RMND1: variants seen among roughly 807,000 people sequenced by gnomAD.
RMND1 encodes the protein required for meiotic nuclear division protein 1 homolog.
RMND1 carries 41 observed loss-of-function variants against 54.0 expected under a neutral mutation model. That is an observed-to-expected ratio of 0.76 (90% CI 0.59 to 0.98). RMND1 has a LOEUF of 0.98. Ranked by LOEUF, RMND1 falls within the 50% of genes least tolerant of loss-of-function variation. The pLI, the probability that RMND1 is intolerant of heterozygous loss-of-function variation, is 0.00. For synonymous variants in RMND1, 183 were observed against 181.7 expected (o/e 1.01, Z -0.06); for missense variants, 457 against 532.0 (o/e 0.86, Z 1.39).
chr6:151,417,276 T>C lies in RMND1; in HGVS notation c.1200+3A>G. 1 of 1,605,166 alleles carries C rather than the reference T, an allele frequency of 6.2e-7. No homozygotes were observed. Among genetic ancestry groups the C allele is most frequent in the South Asian group, 1.1e-5 (1 of 88,490 alleles). On this transcript the variant is annotated splice_donor_region_variant and intron_variant, in intron 10 of 11. Transcript: ENST00000444024. ...TCTCTCATTAGAAGTGCAAAATACGTACCTTAACTCTTCGGCCAATGCTAA... is the reference window on the plus strand; with the variant it reads ...TCTCTCATTAGAAGTGCAAAATACGCACCTTAACTCTTCGGCCAATGCTAA...
intron 3 of RMND1, among the ~76,000 whole-genome samples, chr6:151,434,813 C>T (rs192296036): frequency 2.6e-5 from 4 of 152,246 alleles, no homozygotes; most frequent in Admixed American, 1.3e-4. Flanking sequence ...TTGAGCTATC[C>T]TGAGTTTCAC....
intron 2 of RMND1, among the ~76,000 whole-genome samples, chr6:151,438,882 G>A (rs1387668432): frequency 1.3e-5 from 2 of 152,106 alleles, no homozygotes; most frequent in African/African-American, 4.8e-5. Flanking sequence ...GGGAGGCTGA[G>A]GCGGATGGAT....
chr6:151,435,833 G>A (rs1780586532), intron 3 of RMND1, among the ~76,000 whole-genome samples: 1 of 151,434 alleles, frequency 6.6e-6, no homozygotes, highest in South Asian at 2.1e-4. Flanking sequence ...GGCTGGGTGT[G>A]GTGGCTCAAA....
At chr6:151,406,492 G>C (rs1400834627) in intron 10 of RMND1, among the ~76,000 whole-genome samples, 1 of 151,980 alleles carries the variant, frequency 6.6e-6, no homozygotes, top group Non-Finnish European at 1.5e-5. Flanking sequence ...CTCCCAAATA[G>C]CTGGGACTAC....
intron 8 of RMND1, 80 bp downstream of exon 8, chr6:151,422,461 A>G: frequency 1.4e-6 from 1 of 690,802 alleles, no homozygotes; most frequent in Non-Finnish European, 2.4e-6. Context: ...ATGGATAGCT[A>G]TATATTGTTA....
intron 2 of RMND1, among the ~76,000 whole-genome samples, chr6:151,438,354 T>A (rs1466629477): frequency 6.6e-6 from 1 of 152,242 alleles, no homozygotes; most frequent in East Asian, 1.9e-4. Flanking sequence ...GAATTACTTC[T>A]GTGATGGCTA....
chr6:151,450,812 TAGAA>T (rs1266217256), intron 1 of RMND1, among the ~76,000 whole-genome samples: 4 of 152,072 alleles, frequency 2.6e-5, no homozygotes, highest in Non-Finnish European at 4.4e-5. Flanking sequence ...CGTGTCTGTG[TAGAA>T]AGAAGTAGAC....
intron 10 of RMND1, among the ~76,000 whole-genome samples, chr6:151,413,320 C>A (rs1488545173): frequency 1.3e-5 from 2 of 152,202 alleles, no homozygotes; most frequent in Non-Finnish European, 2.9e-5. Flanking sequence ...GGTGCAGTCT[C>A]AGCTCAGTCC....
At chr6:151,435,273 G>A (rs1399273786) in intron 3 of RMND1, among the ~76,000 whole-genome samples, 1 of 151,918 alleles carries the variant, frequency 6.6e-6, no homozygotes, top group Non-Finnish European at 1.5e-5. Flanking sequence ...AGTCTCCCAA[G>A]TAGCTGGGAC....
chr6:151,422,658 T>C, intron 7 of RMND1, 53 bp from the exon 8 acceptor site: 1 of 842,708 alleles, frequency 1.2e-6, no homozygotes, highest in Non-Finnish European at 1.8e-6. Context: ...TTCACATGTA[T>C]ATAAAATACA....
intron 2 of RMND1, among the ~76,000 whole-genome samples, chr6:151,442,239 T>G (rs187110094): frequency 6.6e-6 from 1 of 152,322 alleles, no homozygotes. Flanking sequence ...GACTACAACC[T>G]ATAAATCATT....
At chr6:151,439,638 T>C (rs552872898) in intron 2 of RMND1, among the ~76,000 whole-genome samples, 5 of 152,248 alleles carry the variant, frequency 3.3e-5, no homozygotes, top group African/African-American at 1.2e-4. Context: ...GCAGGCATTA[T>C]TATTTTATTC....
At chr6:151,434,281 A>C (rs1416162293) in intron 3 of RMND1, among the ~76,000 whole-genome samples, 1 of 152,152 alleles carries the variant, frequency 6.6e-6, no homozygotes, top group African/African-American at 2.4e-5. Flanking sequence ...TCAATTAAAA[A>C]ATATACTATT....
intron 8 of RMND1, among the ~76,000 whole-genome samples, chr6:151,422,332 G>C (rs1302505005): frequency 6.6e-6 from 1 of 152,118 alleles, no homozygotes; most frequent in Non-Finnish European, 1.5e-5. Context: ...ATGGTTGAAA[G>C]TATACATGAG....
chr6:151,447,716 A>C (rs1780997001), intron 1 of RMND1, among the ~76,000 whole-genome samples: 1 of 152,060 alleles, frequency 6.6e-6, no homozygotes, highest in African/African-American at 2.4e-5. Flanking sequence ...GTACTATGCC[A>C]TGCCAGTTGA....
chr6:151,415,031 T>C (rs1177284715), intron 10 of RMND1, among the ~76,000 whole-genome samples: 1 of 148,024 alleles, frequency 6.8e-6, no homozygotes, highest in Non-Finnish European at 1.5e-5. Flanking sequence ...CTTAAAAGAA[T>C]GGCTAAATAA....
Position 151,445,627 on chromosome 6 carries a change from A to C in RMND1, c.185T>G (p.Leu62Trp), listed in dbSNP as rs1302957029. The change falls in exon 2 of 12, where the codon TTG (leucine) becomes TGG (tryptophan). Residue 62 changes from leucine to tryptophan, a missense_variant. Transcript: ENST00000444024. The part of the protein sequence containing the change: ...LFLPDKTASG[L>W]NKSQILEMNQ... The stretch of plus-strand genomic sequence containing the variant: ...CATTTCCAGGATCTGAGACTTATTC[A>C]AACCACTAGCTGTTTTATCAGGAAG... 4.3e-6 allele frequency: 7 copies of C among 1,614,092 alleles called. No individual in the cohort carries two copies. The highest frequency in any genetic ancestry group is 5.9e-6 in the Non-Finnish European group (7 of 1,180,042).
rs758797946 is a variant in RMND1 at position 151,445,400 on chromosome 6, T to G, written c.412A>C (p.Lys138Gln). Residue 138 changes from lysine to glutamine, a missense_variant, in exon 2 of 12, where the codon AAA (lysine) becomes CAA (glutamine). Coordinates refer to ENST00000444024, the MANE Select transcript of RMND1 (RefSeq NM_017909.4). ...CTCTTCACCTGTGGGAAGTCTTGTT[T>G]TGGAACAAATGTTTCCGTTGATACA... is the stretch of plus-strand genomic sequence containing the variant. ...SSVSTETFVP[K>Q]QDFPQVKRPL... is the part of the protein sequence containing the mutation. 6.2e-7 allele frequency: 1 copy of G among 1,614,068 alleles called. No homozygotes were observed. The highest frequency in any genetic ancestry group is 8.5e-7 in the Non-Finnish European group (1 of 1,179,904).
At chr6:151,418,427 A>AT (rs398110822) in intron 9 of RMND1, 9 of 151,728 alleles carry the variant, frequency 5.9e-5, no homozygotes, top group African/African-American at 2.2e-4. Context: ...TAAAAAAAAA[A>AT]TTTAATATGT....
Sources: allele counts gnomAD v4.1 joint callset (sites outside exome capture counted in the v4.1 genomes callset), GRCh38; gene constraint gnomAD v4.1.1; transcripts MANE v1.5; gene names NCBI Gene and HGNC (gene_info 2026-07-23, HGNC 2026-07-21).